Variants in SORCS1 observed in about 807,000 individuals in gnomAD.
The protein encoded by SORCS1 is VPS10 domain-containing receptor SorCS1.
In SORCS1, 60 loss-of-function variants were observed where a neutral mutation model predicts 146.1. The ratio of observed to expected loss-of-function variants is 0.41; its 90% CI spans 0.33 to 0.51. The LOEUF is 0.51. Among genes scored for constraint, SORCS1 ranks in the 20% least tolerant of loss-of-function variants. The pLI, the probability that SORCS1 is intolerant of heterozygous loss-of-function variation, is 0.21. For synonymous variants in SORCS1, 637 were observed against 584.0 expected (o/e 1.09, Z -1.31); for missense variants, 1,352 against 1,487.6 (o/e 0.91, Z 1.50).
intron 1 of SORCS1, among the ~76,000 whole-genome samples, chr10:107,052,390 C>G (rs904625418): frequency 2.2e-4 from 33 of 152,080 alleles, no homozygotes; most frequent in Non-Finnish European, 3.8e-4. Context: ...AGAAAAGTGG[C>G]CATATAAATT....
At chr10:106,971,951 T>A (rs1039544673) in intron 1 of SORCS1, among the ~76,000 whole-genome samples, 1 of 152,098 alleles carries the variant, frequency 6.6e-6, no homozygotes, top group Non-Finnish European at 1.5e-5. Flanking sequence ...GGTGGCAGGG[T>A]GAGGGCTAAT....
chr10:106,591,396 T>C (rs1043523007), intron 24 of SORCS1, among the ~76,000 whole-genome samples: 2 of 152,186 alleles, frequency 1.3e-5, no homozygotes, highest in African/African-American at 2.4e-5. Flanking sequence ...ATGCTTATTG[T>C]GTAAATGAAT....
chr10:106,684,164 C>G (rs558730812), intron 10 of SORCS1, among the ~76,000 whole-genome samples: 1 of 152,120 alleles, frequency 6.6e-6, no homozygotes, highest in South Asian at 2.1e-4. Context: ...ATGGTGAAAC[C>G]CTGTCTCTAC....
chr10:106,825,566 C>G (rs1364656274), intron 3 of SORCS1, among the ~76,000 whole-genome samples: 4 of 152,104 alleles, frequency 2.6e-5, no homozygotes, highest in African/African-American at 9.7e-5. Flanking sequence ...GCCACTGCGC[C>G]CAGCCAAGTT....
chr10:106,749,258 C>T (rs1187838377), intron 5 of SORCS1, among the ~76,000 whole-genome samples: 1 of 152,186 alleles, frequency 6.6e-6, no homozygotes, highest in Non-Finnish European at 1.5e-5. Flanking sequence ...TAGTGAGAGG[C>T]AGATGCAGAT....
intron 1 of SORCS1, among the ~76,000 whole-genome samples, chr10:107,014,262 A>T (rs1243865588): frequency 7.4e-6 from 1 of 134,724 alleles, no homozygotes; most frequent in Non-Finnish European, 1.5e-5. Flanking sequence ...TCAAAAAAAA[A>T]AAAAAAAAAA....
intron 6 of SORCS1, among the ~76,000 whole-genome samples, chr10:106,723,487 G>C (rs1424675724): frequency 1.3e-5 from 2 of 152,046 alleles, no homozygotes; most frequent in Non-Finnish European, 2.9e-5. Context: ...TTTGAACTCA[G>C]GGGCCAATAA....
chr10:106,842,348 C>T (rs1949086735), intron 2 of SORCS1, among the ~76,000 whole-genome samples: 1 of 152,018 alleles, frequency 6.6e-6, no homozygotes, highest in African/African-American at 2.4e-5. Context: ...ATTCTCCTGC[C>T]TCAGGCTCCC....
rs367932431 is a variant in SORCS1, at chr10:106,731,362, T to C, written c.960-1248A>G. Among the ~76,000 whole-genome samples, 155 of 147,738 alleles carry C rather than the reference T, an allele frequency of 1.0e-3. No homozygotes were observed. In the South Asian group the frequency reaches 0.013, roughly 12 times the overall value. On this transcript the variant is annotated intron_variant, in intron 5 of 25. Transcript: ENST00000263054. The stretch of plus-strand genomic sequence containing the variant: ...GAGCCTAGTGCGGTATCCACGACCC[T>C]GCACAGACTGGGTCCATCTCACTTT...
chr10:106,715,635 C>A (rs73363575), intron 6 of SORCS1, among the ~76,000 whole-genome samples: 5,498 of 152,288 alleles, frequency 0.036, 287 homozygotes, highest in African/African-American at 0.12. Context: ...TTAGACTGTA[C>A]TCACATAATG....
chr10:106,941,082 G>T (rs577874010), intron 2 of SORCS1, among the ~76,000 whole-genome samples: 10 of 152,090 alleles, frequency 6.6e-5, no homozygotes, highest in Non-Finnish European at 1.3e-4. Context: ...TCTACAAAAA[G>T]GGTATAACGA....
At position 107,164,280 on chromosome 10, in the gene SORCS1, C is replaced by A; in HGVS notation, c.247G>T (p.Gly83Trp). 6.3e-7 allele frequency: 1 copy of A among 1,597,944 alleles called. No homozygotes were observed. The highest frequency in any genetic ancestry group is 2.3e-5 in the East Asian group (1 of 44,424). ...VVRPLFSVAP[G>W]DRALSLERAR... is the part of the protein sequence containing the mutation. ...CGCTCCAGGGATAGCGCTCGGTCCCCGGGGGCCACTGAGAACAGGGGACGC... is the reference window on the plus strand; with the variant it reads ...CGCTCCAGGGATAGCGCTCGGTCCCAGGGGGCCACTGAGAACAGGGGACGC... Residue 83 changes from glycine to tryptophan, a missense_variant, in exon 1 of 26, where the codon GGG becomes TGG. Gly to Trp is a radical substitution (Grantham distance 184, BLOSUM62 -2). Transcript: ENST00000263054. The surrounding 1 kb of genome is among the most constrained non-coding windows in gnomAD (Gnocchi z 6.8).
At position 106,943,151 on chromosome 10, in the gene SORCS1, A is replaced by G. The variant is rs140682626; in HGVS notation, c.626+13362T>C. 2.7e-3 allele frequency among the ~76,000 whole-genome samples: 404 copies of G among 152,308 alleles called. 2 individuals are homozygous for G. The highest frequency in any genetic ancestry group is 6.0e-3 in the Admixed American group (92 of 15,298). On this transcript the variant is annotated intron_variant, in intron 2 of 25. Coordinates refer to ENST00000263054, the MANE Select transcript of SORCS1 (RefSeq NM_052918.5). Reference sequence around the variant, plus strand: ...CTTCAGCTGAGCCAATGTCTTCTGCATTGATAAATTTGGTGGCTACTTCAC... The same window carrying G: ...CTTCAGCTGAGCCAATGTCTTCTGCGTTGATAAATTTGGTGGCTACTTCAC...
At chr10:106,579,181 T>A (rs772862520) in intron 25 of SORCS1, 188 bp downstream of exon 25, 1 of 1,614,048 alleles carries the variant, frequency 6.2e-7, no homozygotes, top group Admixed American at 1.7e-5. Context: ...TCAGAGTGAC[T>A]GACTGGACTG....
chr10:107,149,415 C>T lies in SORCS1; in HGVS notation c.558+14554G>A, dbSNP rs189707068. On this transcript the variant is annotated intron_variant, in intron 1 of 25. Coordinates refer to ENST00000263054, the MANE Select transcript of SORCS1 (RefSeq NM_052918.5). ...GCTTTAATCATACGTGGTAACCATC[C>T]GATTCATCCCAATATACTTGTATCT... 1.3e-4 allele frequency among the ~76,000 whole-genome samples: 20 copies of T among 152,220 alleles called. No individual in the cohort carries two copies. The East Asian group carries it at 3.1e-3, about 24-fold the overall frequency.
rs1564886451 is a variant in SORCS1 at position 106,983,217 on chromosome 10, TATATACATATTTCTATATATAAATATAC to T, written c.559-26665_559-26638del. Among the ~76,000 whole-genome samples the T allele has an allele frequency of 6.0e-4, 88 of 147,404 alleles. 1 individual carries two copies. Among genetic ancestry groups the T allele is most frequent in the African/African-American group, 1.8e-3 (71 of 40,486 alleles). ...ATATACATATTTCTATATATAAATA[TATATACATATTTCTATATATAAATATAC>T]ATATACATATTTCTATATATAAATA... On this transcript the variant is annotated intron_variant, in intron 1 of 25. Transcript: ENST00000263054.
chr10:106,799,940 A>G (rs1286399888), intron 3 of SORCS1, among the ~76,000 whole-genome samples: 1 of 152,180 alleles, frequency 6.6e-6, no homozygotes, highest in East Asian at 1.9e-4. Context: ...TTATTCTTCA[A>G]GTTCCTGCAA....
chr10:107,173,229 G>T, the SORCS1 span, among the ~76,000 whole-genome samples: 1 of 152,108 alleles, frequency 6.6e-6, no homozygotes, highest in East Asian at 1.9e-4. Flanking sequence ...CAGTGCAGGG[G>T]GTGTTAAATG....
intron 2 of SORCS1, among the ~76,000 whole-genome samples, chr10:106,911,282 G>T (rs1213172575): frequency 6.6e-6 from 1 of 152,214 alleles, no homozygotes; most frequent in Non-Finnish European, 1.5e-5. Context: ...AAGCTCCCTG[G>T]TTGATGTGTC....
Sources: gnomAD v4.1 joint callset for allele counts (sites outside exome capture counted in the v4.1 genomes callset) on GRCh38, gnomAD v4.1.1 for gene constraint, Gnocchi (gnomAD v3.1) non-coding constraint, MANE v1.5 for transcripts, NCBI Gene and HGNC (gene_info 2026-07-23, HGNC 2026-07-21) for gene names.